Variants in VSIG8 observed in about 807,000 individuals in gnomAD.
VSIG8 encodes V-set and immunoglobulin domain-containing protein 8.
VSIG8 carries 32 observed loss-of-function variants against 42.6 expected under a neutral mutation model. The observed-to-expected ratio is 0.75, with a 90% CI of 0.57 to 1.01. The LOEUF (loss-of-function observed/expected upper bound fraction) is 1.01. Among genes scored for constraint, VSIG8 ranks in the 50% least tolerant of loss-of-function variants. The pLI is 0.00. For synonymous variants in VSIG8, 290 were observed against 243.8 expected (o/e 1.19, Z -1.77); for missense variants, 529 against 558.0 (o/e 0.95, Z 0.52).
chr1:159,858,960 T>A, intron 1 of VSIG8, 48 bp from the exon 2 acceptor site: 2 of 1,574,938 alleles, frequency 1.3e-6, no homozygotes, highest in Non-Finnish European at 1.7e-6. Context: ...GAAGCAGGGC[T>A]TCAGGAGGAG....
At chr1:159,855,836 G>T in intron 6 of VSIG8, 47 bp downstream of exon 6, 4 of 1,500,790 alleles carry the variant, frequency 2.7e-6, no homozygotes, top group Non-Finnish European at 3.5e-6. Context: ...TGGGCAGGGC[G>T]CCGGTTCCCT....
chr1:159,861,925 C>T (rs567137520), intron 1 of VSIG8: 1 of 152,610 alleles, frequency 6.6e-6, no homozygotes, highest in Admixed American at 6.5e-5. Flanking sequence ...GGTCTCAGGC[C>T]TGAGCTGTCA....
At chr1:159,860,970 C>T (rs1401064802) in intron 1 of VSIG8, 2 of 152,334 alleles carry the variant, frequency 1.3e-5, no homozygotes, top group Non-Finnish European at 2.9e-5. Flanking sequence ...GCTTTTCTAT[C>T]TCCTTAGAAG....
chr1:159,858,167 AC>A lies in VSIG8; in HGVS notation c.352del (p.Val118TyrfsTer11). On this transcript the variant is annotated frameshift_variant, in exon 3 of 7. Transcript: ENST00000368100. LOFTEE classifies it high-confidence loss of function. ...GCACTCATAAGTGGCTGTATCAGAT[AC>A]CTGCAGGTTCATGAGGTTGATGGAG... is the stretch of plus-strand genomic sequence containing the variant. ...DASINLMNLQ[V>X]SDTATYECRV... 2.5e-6 allele frequency: 4 copies of A among 1,614,192 alleles called. No homozygotes were observed. The highest frequency in any genetic ancestry group is 3.4e-6 in the Non-Finnish European group (4 of 1,180,028).
Position 159,858,862 on chromosome 1 carries a change from G to A in VSIG8, c.100C>T (p.Leu34=), listed in dbSNP as rs1244071899. The part of the protein sequence containing the change: ...INGDGQEVLY[L]AEGDNVRLGC... ...AGCCTCACATTATCACCTTCTGCCA[G>A]GTACAGGACCTCCTGTCCATCCCCG... is the stretch of plus-strand genomic sequence containing the variant. The change falls in exon 2 of 7, where the codon CTG becomes TTG. Residue 34 remains leucine (L), a synonymous_variant. Coordinates refer to ENST00000368100, the MANE Select transcript of VSIG8 (RefSeq NM_001013661.1). The A allele has an allele frequency of 6.2e-7, 1 of 1,614,082 alleles. No individual in the cohort carries two copies. Among genetic ancestry groups the A allele is most frequent in the Non-Finnish European group, 8.5e-7 (1 of 1,180,012 alleles).
chr1:159,862,473 C>T lies in VSIG8; in HGVS notation c.49G>A (p.Ala17Thr). 1.2e-6 allele frequency: 2 copies of T among 1,612,720 alleles called. No individual in the cohort carries two copies. The highest frequency in any genetic ancestry group is 1.7e-6 in the Non-Finnish European group (2 of 1,179,142). Reference protein sequence around the residue: ...FHLLLVCLSPALLSAVRINGD... With the variant: ...FHLLLVCLSPTLLSAVRINGD... Reference sequence around the variant, plus strand: ...CCCTGCCCCCTGCCCAGCCCCGTACCTGGGCTCAGGCACACGAGTAGAAGG... The same window carrying T: ...CCCTGCCCCCTGCCCAGCCCCGTACTTGGGCTCAGGCACACGAGTAGAAGG... The change falls in exon 1 of 7, where the codon GCA becomes ACA. Residue 17 changes from alanine (A) to threonine (T), a missense_variant and splice_region_variant. Coordinates refer to ENST00000368100, the MANE Select transcript of VSIG8 (RefSeq NM_001013661.1).
At chr1:159,855,366 C>G (rs1648781649) in intron 6 of VSIG8, 42 of 1,449,240 alleles carry the variant, frequency 2.9e-5, no homozygotes, top group Non-Finnish European at 3.8e-5. Flanking sequence ...CTTTCCTTAG[C>G]TAATCCTGAC....
chr1:159,860,710 T>A (rs1204115169), intron 1 of VSIG8: 1 of 152,260 alleles, frequency 6.6e-6, no homozygotes, highest in Non-Finnish European at 1.5e-5. Flanking sequence ...TGCCAGATCC[T>A]GAGGCTGCTC....
chr1:159,857,442 G>T (rs1648869705), intron 4 of VSIG8, among the ~76,000 whole-genome samples: 1 of 152,104 alleles, frequency 6.6e-6, no homozygotes, highest in African/African-American at 2.4e-5. Flanking sequence ...AGGTGCGGTG[G>T]TGCATGCCTG....
intron 6 of VSIG8, chr1:159,855,335 G>A: frequency 3.3e-6 from 5 of 1,494,694 alleles, no homozygotes; most frequent in Non-Finnish European, 4.5e-6. Flanking sequence ...AGGCCCAGAA[G>A]AAGGTGCTTT....
chr1:159,855,929 CGCCGTTGCCGTA>C lies in VSIG8; in HGVS notation c.913_924del (p.Tyr305_Gly308del). 2.6e-6 allele frequency: 4 copies of C among 1,566,580 alleles called. No individual in the cohort carries two copies. The highest frequency in any genetic ancestry group is 3.5e-6 in the Non-Finnish European group (4 of 1,156,756). ...CCGCAGGCCCCTCCGCCGACCCCGC[CGCCGTTGCCGTA>C]GCCGAAGGCACCGCGGGCGCCGCCA... On this transcript the variant is annotated inframe_deletion, in exon 6 of 7. Coordinates refer to ENST00000368100, the MANE Select transcript of VSIG8 (RefSeq NM_001013661.1).
In VSIG8 at chr1:159,858,154, G is replaced by A; in HGVS notation, c.366C>T (p.Ala122=). Reference sequence around the variant, plus strand: ...TCTTCTTCACCCGGCACTCATAAGTGGCTGTATCAGATACCTGCAGGTTCA... The same window carrying A: ...TCTTCTTCACCCGGCACTCATAAGTAGCTGTATCAGATACCTGCAGGTTCA... The part of the protein sequence containing the change: ...NLMNLQVSDT[A]TYECRVKKTT... The change falls in exon 3 of 7, where the codon GCC becomes GCT. Residue 122 remains alanine (A), a synonymous_variant. Transcript: ENST00000368100. 6.2e-7 allele frequency: 1 copy of A among 1,614,208 alleles called. No individual in the cohort carries two copies. Among genetic ancestry groups the A allele is most frequent in the Non-Finnish European group, 8.5e-7 (1 of 1,180,046 alleles).
chr1:159,857,575 CAAAA>C (rs10683798), intron 4 of VSIG8, among the ~76,000 whole-genome samples, 166 bp downstream of exon 4: 1 of 121,226 alleles, frequency 8.2e-6, no homozygotes, highest in African/African-American at 3.2e-5. Context: ...AACTCTGTCT[CAAAA>C]AAAAAAAAAA....
At position 159,854,577 on chromosome 1, in the gene VSIG8, T is replaced by G. The variant is rs1648731276; in HGVS notation, c.*176A>C. Reference sequence around the variant, plus strand: ...CCGCCCTCGCCCGCCCCTTCCCACTTTTGGGGAGGAGGCTCTGCCTCCCTA... The same window carrying G: ...CCGCCCTCGCCCGCCCCTTCCCACTGTTGGGGAGGAGGCTCTGCCTCCCTA... On this transcript the variant is annotated 3_prime_UTR_variant, in exon 7 of 7. Transcript: ENST00000368100. 7.4e-5 allele frequency: 88 copies of G among 1,184,804 alleles called. No homozygotes were observed. The highest frequency in any genetic ancestry group is 3.0e-4 in the Middle Eastern group (1 of 3,316). The allele number at this position is 1,184,804 out of a possible 1,614,324, so 73.4% of individuals were successfully genotyped here. A position where few individuals can be genotyped will look rare whatever the true frequency, so the allele number is the denominator to read the frequency against.
intron 1 of VSIG8, among the ~76,000 whole-genome samples, chr1:159,859,153 T>C (rs1437659326): frequency 6.6e-6 from 1 of 152,198 alleles, no homozygotes; most frequent in Non-Finnish European, 1.5e-5. Context: ...TGTATGTATA[T>C]ATGATTATGT....
rs887593038 is a variant in VSIG8 at position 159,854,708 on chromosome 1, G to T, written c.*45C>A. 6 of 1,418,300 alleles carry T rather than the reference G, an allele frequency of 4.2e-6. No individual in the cohort carries two copies. The African/African-American group carries it at 7.5e-5, about 18-fold the overall frequency. 87.9% of individuals were successfully genotyped at this position (1,418,300 alleles called of 1,614,324 possible). On this transcript the variant is annotated 3_prime_UTR_variant, in exon 7 of 7. Transcript: ENST00000368100. Reference sequence around the variant, plus strand: ...TCCCCAGCTGCAGACAGAGAGCCCCGCGCCCTCCTCCTGGCTGGGGCGCAG... The same window carrying T: ...TCCCCAGCTGCAGACAGAGAGCCCCTCGCCCTCCTCCTGGCTGGGGCGCAG...
chr1:159,857,614 C>T, intron 4 of VSIG8, 131 bp downstream of exon 4: 1 of 704,768 alleles, frequency 1.4e-6, no homozygotes, highest in Non-Finnish European at 2.3e-6. Flanking sequence ...GGGGCAGGCC[C>T]AGAGGGAGGG....
intron 1 of VSIG8, among the ~76,000 whole-genome samples, chr1:159,860,102 T>G (rs1238375163): frequency 1.3e-5 from 2 of 152,192 alleles, no homozygotes; most frequent in Non-Finnish European, 2.9e-5. Flanking sequence ...TGAGTCAACA[T>G]GTCTTCTGGA....
Position 159,858,876 on chromosome 1 carries a change from T to C in VSIG8, c.86A>G (p.Gln29Arg), listed in dbSNP as rs779962886. The C allele has an allele frequency of 4.3e-6, 7 of 1,613,982 alleles. No individual in the cohort carries two copies. Among genetic ancestry groups the C allele is most frequent in the African/African-American group, 1.3e-5 (1 of 75,016 alleles). ...LSAVRINGDG[Q>R]EVLYLAEGDN... ...ACCTTCTGCCAGGTACAGGACCTCCTGTCCATCCCCGTTGATCCGCACAGC... is the reference window on the plus strand; with the variant it reads ...ACCTTCTGCCAGGTACAGGACCTCCCGTCCATCCCCGTTGATCCGCACAGC... The change falls in exon 2 of 7, where the codon CAG becomes CGG. Residue 29 changes from glutamine (Q) to arginine (R), a missense_variant. By Grantham distance (43) the Gln-to-Arg change is conservative (BLOSUM62 1). Coordinates refer to ENST00000368100, the MANE Select transcript of VSIG8 (RefSeq NM_001013661.1).
Sources: allele counts gnomAD v4.1 joint callset (sites outside exome capture counted in the v4.1 genomes callset), GRCh38; gene constraint gnomAD v4.1.1; transcripts MANE v1.5; gene names NCBI Gene and HGNC (gene_info 2026-07-23, HGNC 2026-07-21).